Variants in PPP6R3 observed in about 807,000 individuals in gnomAD.
PPP6R3 encodes the protein serine/threonine-protein phosphatase 6 regulatory subunit 3.
A neutral mutation model predicts 110.7 loss-of-function variants in PPP6R3; 38 were observed. The observed-to-expected ratio is 0.34, with a 90% CI of 0.26 to 0.45. PPP6R3 has a LOEUF of 0.45. Among genes scored for constraint, PPP6R3 ranks in the 20% least tolerant of loss-of-function variants. The pLI, the probability that PPP6R3 is intolerant of heterozygous loss-of-function variation, is 1.00. For synonymous variants in PPP6R3, 369 were observed against 373.5 expected (o/e 0.99, Z 0.14); for missense variants, 870 against 1,062.4 (o/e 0.82, Z 2.52).
chr11:68,551,059 T>A, intron 5 of PPP6R3, 62 bp from the exon 6 acceptor site: 1 of 1,132,842 alleles, frequency 8.8e-7, no homozygotes, highest in African/African-American at 1.6e-5. Flanking sequence ...TATGTTAATC[T>A]ACATTGGGGC....
Position 68,476,246 on chromosome 11 carries a change from C to T in PPP6R3, c.-158+15419C>T, listed in dbSNP as rs547525853. ...GAGGCCGAGGCTGGCGGATCACTCG[C>T]GGTTAGGAGCTGGAGACCAGCCCGG... On this transcript the variant is annotated intron_variant, in intron 1 of 23. Transcript: ENST00000393800. Among the ~76,000 whole-genome samples, 933 of 152,298 alleles carry T rather than the reference C, an allele frequency of 6.1e-3. 7 individuals carry two copies. The highest frequency in any genetic ancestry group is 0.01 in the Middle Eastern group (3 of 294).
intron 2 of PPP6R3, among the ~76,000 whole-genome samples, chr11:68,529,830 A>G (rs919048454): frequency 1.3e-5 from 2 of 152,182 alleles, no homozygotes; most frequent in African/African-American, 4.8e-5. Flanking sequence ...CCTACCCCAC[A>G]TTGGCCCTTG....
At chr11:68,585,462 G>A (rs1362062571) in intron 15 of PPP6R3, among the ~76,000 whole-genome samples, 2 of 152,194 alleles carry the variant, frequency 1.3e-5, no homozygotes, top group East Asian at 3.8e-4. Context: ...AACAGTTTCT[G>A]ACTTTGGCCA....
intron 11 of PPP6R3, among the ~76,000 whole-genome samples, chr11:68,570,688 G>A (rs1004365129): frequency 1.3e-5 from 2 of 152,190 alleles, no homozygotes; most frequent in African/African-American, 4.8e-5. Flanking sequence ...TTTTGCCAAG[G>A]CATAGTTTTC....
intron 1 of PPP6R3, among the ~76,000 whole-genome samples, chr11:68,511,661 A>G (rs1219893066): frequency 6.6e-6 from 1 of 151,408 alleles, no homozygotes; most frequent in Non-Finnish European, 1.5e-5. Flanking sequence ...TTGTATTTTT[A>G]GCAGAGACGG....
intron 12 of PPP6R3, 40 bp from the exon 13 acceptor site, chr11:68,574,069 C>A: frequency 7.1e-7 from 1 of 1,414,492 alleles, no homozygotes; most frequent in South Asian, 1.2e-5. Flanking sequence ...TCACTTCATC[C>A]TATCAGGAAT....
At chr11:68,578,578 G>C (rs1254374309) in intron 14 of PPP6R3, among the ~76,000 whole-genome samples, 1 of 152,158 alleles carries the variant, frequency 6.6e-6, no homozygotes, top group Non-Finnish European at 1.5e-5. Context: ...TTAGTGCATT[G>C]TTAACCTGAC....
chr11:68,496,518 G>C (rs1159122674), intron 1 of PPP6R3, among the ~76,000 whole-genome samples: 5 of 152,080 alleles, frequency 3.3e-5, no homozygotes, highest in Admixed American at 3.3e-4. Flanking sequence ...TGTCACCCAG[G>C]CTGGAGTGCA....
intron 11 of PPP6R3, 115 bp downstream of exon 11, chr11:68,570,012 A>G (rs191485441): frequency 9.2e-5 from 87 of 947,312 alleles, no homozygotes; most frequent in Non-Finnish European, 1.2e-4. Flanking sequence ...CAGAGTCTAA[A>G]TATTTGACAA....
Position 68,596,136 on chromosome 11 carries a change from A to G in PPP6R3, c.1956A>G (p.Glu652=), listed in dbSNP as rs1367526819. 1 of 1,614,176 alleles carries G rather than the reference A, an allele frequency of 6.2e-7. No individual in the cohort carries two copies. The highest frequency in any genetic ancestry group is 2.2e-5 in the East Asian group (1 of 44,892). ...ACAGTGAGGAAAGTACAGACTCTGA[A>G]GAAGAAGATGGAGCAAAGCAAGACT... ...STDSEESTDS[E]EEDGAKQDLF... The change falls in exon 19 of 24, where the codon GAA becomes GAG. Residue 652 remains glutamate, a synonymous_variant. Coordinates refer to ENST00000393800, the MANE Select transcript of PPP6R3 (RefSeq NM_001164161.2).
At chr11:68,599,158 CCTA>C (rs908235778) in intron 19 of PPP6R3, among the ~76,000 whole-genome samples, 1 of 152,068 alleles carries the variant, frequency 6.6e-6, no homozygotes, top group African/African-American at 2.4e-5. Flanking sequence ...TACCAGTTTC[CCTA>C]GCATTCCTTC....
intron 1 of PPP6R3, among the ~76,000 whole-genome samples, chr11:68,515,530 G>A (rs1180042669): frequency 6.6e-6 from 1 of 152,202 alleles, no homozygotes; most frequent in South Asian, 2.1e-4. Flanking sequence ...TCCAAAACAC[G>A]CCCAGAATTC....
At chr11:68,558,700 A>C in intron 8 of PPP6R3, 21 bp downstream of exon 8, 1 of 1,532,354 alleles carries the variant, frequency 6.5e-7, no homozygotes, top group Non-Finnish European at 9.0e-7. Context: ...CTTATATCTT[A>C]CAAAATGAAC....
intron 1 of PPP6R3, among the ~76,000 whole-genome samples, chr11:68,503,085 A>G (rs2099056465): frequency 2.6e-5 from 4 of 152,192 alleles, no homozygotes; most frequent in African/African-American, 9.6e-5. Flanking sequence ...CTGGGACTAC[A>G]GGCGCACACC....
intron 3 of PPP6R3, among the ~76,000 whole-genome samples, chr11:68,538,395 T>A (rs2099282289): frequency 6.6e-6 from 1 of 152,170 alleles, no homozygotes; most frequent in South Asian, 2.1e-4. Context: ...ACAGTAAGAA[T>A]CCTTTATTAC....
In PPP6R3 at chr11:68,596,112, CAG is replaced by C; in HGVS notation, c.1933_1934del (p.Ser645Ter). On this transcript the variant is annotated frameshift_variant, in exon 19 of 24. Transcript: ENST00000393800. LOFTEE classifies it high-confidence loss of function. ...TTTTCCTTAGCTCGGGGAGTACAGA[CAG>C]TGAGGAAAGTACAGACTCTGAAGAA... ...QRRSSSGSTDSEESTDSEEED... is the reference protein window; with the variant it reads ...QRRSSSGSTDXEESTDSEEED... The C allele has an allele frequency of 6.2e-7, 1 of 1,614,158 alleles. No homozygotes were observed. Among genetic ancestry groups the C allele is most frequent in the Non-Finnish European group, 8.5e-7 (1 of 1,180,024 alleles).
intron 1 of PPP6R3, among the ~76,000 whole-genome samples, chr11:68,514,314 G>A (rs141665588): frequency 6.2e-4 from 94 of 152,064 alleles, no homozygotes; most frequent in African/African-American, 2.1e-3. Flanking sequence ...CATTCCACCC[G>A]TCAGAGCCTC....
At chr11:68,600,566 G>C in intron 20 of PPP6R3, 72 bp downstream of exon 20, 1 of 1,520,890 alleles carries the variant, frequency 6.6e-7, no homozygotes, top group Non-Finnish European at 8.8e-7. Context: ...TGCTGTTAAC[G>C]TGTGTTCTTC....
chr11:68,560,105 G>T (rs1253834561), intron 8 of PPP6R3, among the ~76,000 whole-genome samples: 1 of 152,186 alleles, frequency 6.6e-6, no homozygotes, highest in Non-Finnish European at 1.5e-5. Context: ...TAGAAAAGAA[G>T]AAAGAATGTG....
Sources: allele counts gnomAD v4.1 joint callset (sites outside exome capture counted in the v4.1 genomes callset), GRCh38; gene constraint gnomAD v4.1.1; transcripts MANE v1.5; gene names NCBI Gene and HGNC (gene_info 2026-07-23, HGNC 2026-07-21).